PSD2: variants seen among roughly 807,000 people sequenced by gnomAD.
PSD2 encodes the protein pleckstrin and Sec7 domain containing 2.
PSD2 carries 38 observed loss-of-function variants against 69.8 expected under a neutral mutation model. The observed-to-expected ratio is 0.54, with a 90% CI of 0.42 to 0.71. The LOEUF (loss-of-function observed/expected upper bound fraction) is 0.71, where lower values mean the gene tolerates loss of function less well. PSD2 is among the 30% of genes least tolerant of loss of function. PSD2 has a pLI of 0.00. For synonymous variants in PSD2, 412 were observed against 423.0 expected, an observed-to-expected ratio of 0.97 and a Z score of 0.32; for missense variants, 943 against 1,014.5, an observed-to-expected ratio of 0.93 and a Z score of 0.96.
the PSD2 span, among the ~76,000 whole-genome samples, chr5:139,745,756 G>T: frequency 2.6e-5 from 4 of 152,226 alleles, no homozygotes; most frequent in African/African-American, 7.2e-5. Context: ...GGTCTCCTGT[G>T]TTCACGTGTG....
chr5:139,793,471 C>T (rs1276290254), upstream of PSD2, among the ~76,000 whole-genome samples: 1 of 152,198 alleles, frequency 6.6e-6, no homozygotes, highest in African/African-American at 2.4e-5. Context: ...GTTGGGGGGA[C>T]TGGACTAGAA....
the PSD2 span, among the ~76,000 whole-genome samples, chr5:139,756,431 G>A: frequency 3.1e-3 from 471 of 152,364 alleles, 24 homozygotes; most frequent in South Asian, 0.083. Context: ...TCTAGGGTCA[G>A]ACTGGGAAGT....
At chr5:139,755,401 T>A in the PSD2 span, among the ~76,000 whole-genome samples, 1 of 152,142 alleles carries the variant, frequency 6.6e-6, no homozygotes, top group Non-Finnish European at 1.5e-5. Context: ...CCTGGGTGTT[T>A]GTGTGCGTGG....
the PSD2 span, among the ~76,000 whole-genome samples, chr5:139,763,535 G>T: frequency 5.3e-5 from 8 of 152,166 alleles, no homozygotes; most frequent in Non-Finnish European, 1.2e-4. Context: ...GATGACCATG[G>T]CCTGTGCTCT....
intron 7 of PSD2, among the ~76,000 whole-genome samples, chr5:139,830,590 C>CT (rs1408487656): frequency 1.0e-5 from 1 of 98,806 alleles, no homozygotes; most frequent in African/African-American, 4.5e-5. Context: ...TTCTTTCTTT[C>CT]TTTTTCTTTC....
At chr5:139,759,487 C>T in the PSD2 span, among the ~76,000 whole-genome samples, 3 of 152,212 alleles carry the variant, frequency 2.0e-5, no homozygotes, top group East Asian at 5.8e-4. Flanking sequence ...CTGTCCCCCG[C>T]CCTGGGCTCC....
rs763862514 is a variant in PSD2, at chr5:139,837,596, C to T, written c.1666-29C>T. Reference sequence around the variant, plus strand: ...GAGAGTGGAAGGTGTGGGTCAGTGACCCTAGCTCGCCCATCCTGCCCCACC... The same window carrying T: ...GAGAGTGGAAGGTGTGGGTCAGTGATCCTAGCTCGCCCATCCTGCCCCACC... On this transcript the variant is annotated intron_variant, in intron 11 of 14. Transcript: ENST00000274710. The surrounding 1 kb of genome is among the most constrained non-coding windows in gnomAD (Gnocchi z 5.0). The T allele has an allele frequency of 6.3e-7, 1 of 1,575,298 alleles. No individual in the cohort carries two copies.
chr5:139,813,213 C>T, intron 2 of PSD2, 96 bp from the exon 3 acceptor site: 1 of 1,006,224 alleles, frequency 9.9e-7, no homozygotes, highest in East Asian at 2.5e-5. Flanking sequence ...GAGTGGTGTG[C>T]CCCCAGGGGG....
At chr5:139,815,995 TAAAAAA>T (rs768724760) in intron 4 of PSD2, among the ~76,000 whole-genome samples, 1 of 92,768 alleles carries the variant, frequency 1.1e-5, no homozygotes, top group African/African-American at 4.4e-5. Context: ...CTCCATATAT[TAAAAAA>T]AAAAAAAAAA....
the PSD2 span, among the ~76,000 whole-genome samples, chr5:139,754,537 TA>T: frequency 1.5e-4 from 5 of 33,530 alleles, no homozygotes; most frequent in Non-Finnish European, 3.5e-4. Context: ...CTACTAAAAA[TA>T]CAAAAAAAAT....
At chr5:139,766,932 T>C in the PSD2 span, among the ~76,000 whole-genome samples, 4,612 of 51,944 alleles carry the variant, frequency 0.089, 552 homozygotes, top group African/African-American at 0.12. Flanking sequence ...TTCCTTCCCT[T>C]CTTTCTTTCT....
At position 139,818,121 on chromosome 5, in the gene PSD2, G is replaced by A. The variant is rs550537912; in HGVS notation, c.1097+560G>A. ...CTGTAGTATCTAGCAGGCTCTGGTG[G>A]CAGGGGCCAGCTGGGCAGATACTGG... On this transcript the variant is annotated intron_variant, in intron 5 of 14. Transcript: ENST00000274710. Among the ~76,000 whole-genome samples the A allele has an allele frequency of 1.8e-4, 27 of 152,290 alleles. No homozygotes were observed. The East Asian group carries it at 4.6e-3, about 26-fold the overall frequency.
In PSD2 at chr5:139,822,004, AG is replaced by A; in HGVS notation, c.1210+1del. On this transcript the variant is annotated frameshift_variant and splice_region_variant, in exon 6 of 15. Transcript: ENST00000274710. LOFTEE classifies it high-confidence loss of function. ...QCNPDDSTSEDGIHTLTCALM... is the reference protein window; with the variant it reads ...QCNPDDSTSEXGIHTLTCALM... ...GCAACCCTGATGACAGCACTTCGGA[AG>A]GTATGGCCCCTTGCCCACTCTGCCT... 1 of 1,596,974 alleles carries A rather than the reference AG, an allele frequency of 6.3e-7. No homozygotes were observed. The highest frequency in any genetic ancestry group is 8.6e-7 in the Non-Finnish European group (1 of 1,168,402).
chr5:139,821,009 C>T lies in PSD2; in HGVS notation c.1098-884C>T, dbSNP rs572092691. ...GTGCAATGGTGCGACCTTGGCTCACCGCAACCTCTGCCTCCTGGGTTCAAG... is the reference window on the plus strand; with the variant it reads ...GTGCAATGGTGCGACCTTGGCTCACTGCAACCTCTGCCTCCTGGGTTCAAG... On this transcript the variant is annotated intron_variant, in intron 5 of 14. Transcript: ENST00000274710. Among the ~76,000 whole-genome samples, 12 of 152,094 alleles carry T rather than the reference C, an allele frequency of 7.9e-5. No homozygotes were observed. The South Asian group carries it at 8.3e-4, about 11-fold the overall frequency.
At chr5:139,769,344 C>T in the PSD2 span, among the ~76,000 whole-genome samples, 1,300 of 152,078 alleles carry the variant, frequency 8.5e-3, 10 homozygotes, top group Non-Finnish European at 0.014. Context: ...TTCCTGACAG[C>T]AAAAATCCAG....
At chr5:139,776,019 C>T in the PSD2 span, among the ~76,000 whole-genome samples, 4 of 152,204 alleles carry the variant, frequency 2.6e-5, no homozygotes, top group Non-Finnish European at 4.4e-5. Flanking sequence ...TCTGCCTCAT[C>T]CCCCTCCAAG....
At chr5:139,838,035 A>T (rs1331377952) in intron 12 of PSD2, among the ~76,000 whole-genome samples, 1 of 152,218 alleles carries the variant, frequency 6.6e-6, no homozygotes, top group Non-Finnish European at 1.5e-5. Context: ...TGTGTTTAAC[A>T]AGCCCTGCAG....
At chr5:139,817,422 A>G in intron 4 of PSD2, 59 bp from the exon 5 acceptor site, 1 of 1,496,106 alleles carries the variant, frequency 6.7e-7, no homozygotes, top group South Asian at 1.1e-5. Flanking sequence ...AATGCCTGTG[A>G]TTCTGTCATC....
upstream of PSD2, among the ~76,000 whole-genome samples, chr5:139,793,491 C>G (rs953146986): frequency 6.6e-6 from 1 of 152,190 alleles, no homozygotes; most frequent in African/African-American, 2.4e-5. Flanking sequence ...ACCCGGGTCT[C>G]CTTGCCCCTG....
Sources: gnomAD v4.1 joint callset for allele counts (sites outside exome capture counted in the v4.1 genomes callset) on GRCh38, gnomAD v4.1.1 for gene constraint, Gnocchi (gnomAD v3.1) non-coding constraint, MANE v1.5 for transcripts, NCBI Gene and HGNC (gene_info 2026-07-23, HGNC 2026-07-21) for gene names.